Variants in GMDS observed in about 807,000 individuals in gnomAD.
The protein encoded by GMDS is GDP-mannose 4,6-dehydratase.
A neutral mutation model predicts 49.9 loss-of-function variants in GMDS; 20 were observed. The observed-to-expected ratio is 0.40, with a 90% confidence interval of 0.28 to 0.58. The LOEUF is 0.58. GMDS is among the 20% of genes least tolerant of loss of function. GMDS has a pLI of 0.42. For missense variants in GMDS, 362 were observed against 481.4 expected, an observed-to-expected ratio of 0.75 and a Z score of 2.32; for synonymous variants, 177 against 178.6, an observed-to-expected ratio of 0.99 and a Z score of 0.07.
chr6:1,998,773 A>G (rs1766455028), intron 4 of GMDS, among the ~76,000 whole-genome samples: 1 of 152,184 alleles, frequency 6.6e-6, no homozygotes. Flanking sequence ...TACATAAGCA[A>G]CTTGGGCATC....
intron 6 of GMDS, among the ~76,000 whole-genome samples, chr6:1,934,925 C>T (rs373360938): frequency 1.3e-5 from 2 of 152,114 alleles, no homozygotes; most frequent in African/African-American, 2.4e-5. Context: ...GTAGCCGAGC[C>T]GGACCCAGGC....
chr6:2,125,928 G>T (rs868732714), intron 1 of GMDS, among the ~76,000 whole-genome samples: 3 of 152,110 alleles, frequency 2.0e-5, no homozygotes, highest in Non-Finnish European at 4.4e-5. Context: ...TTATAAAATC[G>T]TATTTCCTTT....
intron 8 of GMDS, among the ~76,000 whole-genome samples, chr6:1,736,779 C>T (rs2113470149): frequency 6.6e-6 from 1 of 152,316 alleles, no homozygotes; most frequent in Admixed American, 6.5e-5. Flanking sequence ...CTACATAGAA[C>T]CCTTAGAAGT....
intron 2 of GMDS, among the ~76,000 whole-genome samples, chr6:2,120,114 A>G (rs1390361063): frequency 2.0e-5 from 3 of 152,214 alleles, no homozygotes; most frequent in South Asian, 2.1e-4. Context: ...AGTAATATCA[A>G]TAGCTAACAC....
At chr6:2,040,028 G>A (rs1431966243) in intron 4 of GMDS, among the ~76,000 whole-genome samples, 1 of 152,176 alleles carries the variant, frequency 6.6e-6, no homozygotes, top group African/African-American at 2.4e-5. Flanking sequence ...ACATCACTAG[G>A]TGATAGAAAC....
chr6:2,096,699 A>G (rs1475173066), intron 4 of GMDS, among the ~76,000 whole-genome samples: 1 of 152,204 alleles, frequency 6.6e-6, no homozygotes, highest in East Asian at 1.9e-4. Context: ...ATAGAAAAAA[A>G]CAATTCTCAC....
intron 7 of GMDS, among the ~76,000 whole-genome samples, chr6:1,887,753 G>A (rs1300180224): frequency 1.3e-5 from 2 of 152,098 alleles, no homozygotes; most frequent in Admixed American, 6.6e-5. Flanking sequence ...ATTTACAGAG[G>A]ATCGGTTCCA....
intron 5 of GMDS, 84 bp downstream of exon 5, chr6:1,960,690 G>T: frequency 1.2e-6 from 1 of 865,376 alleles, no homozygotes; most frequent in Non-Finnish European, 1.8e-6. Context: ...TGTGAGACAT[G>T]AACAGAATGA....
At chr6:1,755,821 A>C (rs1767918532) in intron 7 of GMDS, among the ~76,000 whole-genome samples, 2 of 152,242 alleles carry the variant, frequency 1.3e-5, no homozygotes, top group South Asian at 4.1e-4. Flanking sequence ...AAGAAAACCT[A>C]GGCAATACCA....
intron 1 of GMDS, among the ~76,000 whole-genome samples, chr6:2,145,921 C>T (rs540429760): frequency 3.2e-4 from 48 of 152,278 alleles, no homozygotes; most frequent in Admixed American, 1.3e-3. Context: ...ATCTCATATA[C>T]GGGACTAAGC....
At chr6:2,010,433 A>G (rs1041742503) in intron 4 of GMDS, among the ~76,000 whole-genome samples, 1 of 152,114 alleles carries the variant, frequency 6.6e-6, no homozygotes, top group African/African-American at 2.4e-5. Flanking sequence ...AGTGAAAAAG[A>G]CCCATAGAGA....
intron 1 of GMDS, among the ~76,000 whole-genome samples, chr6:2,159,488 T>C (rs914206420): frequency 9.2e-5 from 14 of 151,884 alleles, no homozygotes; most frequent in Non-Finnish European, 1.8e-4. Flanking sequence ...TACCTTTTTC[T>C]TAATTTTTTC....
rs528180717 is a variant in GMDS at position 1,855,077 on chromosome 6, T to C, written c.771+75026A>G. ...AACCTTTCTGCATTTATTTTGTTGATCTTTGTTTACCTATGACAAATAGAG... is the reference window on the plus strand; with the variant it reads ...AACCTTTCTGCATTTATTTTGTTGACCTTTGTTTACCTATGACAAATAGAG... On this transcript the variant is annotated intron_variant, in intron 7 of 10. Coordinates refer to ENST00000380815, the MANE Select transcript of GMDS (RefSeq NM_001500.4). Among the ~76,000 whole-genome samples, 3 of 152,350 alleles carry C rather than the reference T, an allele frequency of 2.0e-5. No individual in the cohort carries two copies. In the East Asian group the frequency reaches 5.8e-4, roughly 29 times the overall value.
At chr6:1,884,652 T>G (rs1255251742) in intron 7 of GMDS, among the ~76,000 whole-genome samples, 1 of 152,252 alleles carries the variant, frequency 6.6e-6, no homozygotes. Flanking sequence ...ATTAGTGTCA[T>G]GCTCATTTGT....
chr6:1,641,533 G>A lies in GMDS; in HGVS notation c.988-16993C>T, dbSNP rs552147734. Among the ~76,000 whole-genome samples the A allele has an allele frequency of 9.5e-4, 145 of 152,338 alleles. 1 individual carries two copies. The highest frequency in any genetic ancestry group is 3.3e-3 in the African/African-American group (138 of 41,588). On this transcript the variant is annotated intron_variant, in intron 9 of 10. Coordinates refer to ENST00000380815, the MANE Select transcript of GMDS (RefSeq NM_001500.4). The stretch of plus-strand genomic sequence containing the variant: ...GTGGCAGAACCTGAAGGGCCACTGC[G>A]ATCTTTATCAGGTGACTCAGTGCTT...
At chr6:1,909,626 G>T (rs1228626063) in intron 7 of GMDS, among the ~76,000 whole-genome samples, 1 of 152,156 alleles carries the variant, frequency 6.6e-6, no homozygotes, top group African/African-American at 2.4e-5. Context: ...ATCCGTGTGT[G>T]ATGCTGGCTA....
chr6:2,093,941 T>A (rs936111644), intron 4 of GMDS, among the ~76,000 whole-genome samples: 1 of 152,186 alleles, frequency 6.6e-6, no homozygotes, highest in African/African-American at 2.4e-5. Context: ...GGGAGACAGA[T>A]TTCTCAAGAA....
intron 7 of GMDS, among the ~76,000 whole-genome samples, chr6:1,785,702 G>A (rs997805146): frequency 4.6e-5 from 7 of 152,182 alleles, no homozygotes; most frequent in African/African-American, 1.4e-4. Flanking sequence ...CAGCATCCTC[G>A]GCAGGGAAGG....
chr6:1,944,501 T>C (rs1190440062), intron 6 of GMDS, among the ~76,000 whole-genome samples: 1 of 145,096 alleles, frequency 6.9e-6, no homozygotes, highest in Non-Finnish European at 1.5e-5. Flanking sequence ...CCAGATTGCG[T>C]CTAAAAAAAT....
Sources: allele counts gnomAD v4.1 joint callset (sites outside exome capture counted in the v4.1 genomes callset), GRCh38; gene constraint gnomAD v4.1.1; transcripts MANE v1.5; gene names NCBI Gene and HGNC (gene_info 2026-07-23, HGNC 2026-07-21).